The following CACNA1S variants were observed in gnomAD, a reference collection of about 807,000 sequenced individuals.
The protein encoded by CACNA1S is voltage-dependent L-type calcium channel subunit alpha-1S.
CACNA1S carries 126 observed loss-of-function variants against 207.4 expected under a neutral mutation model. That is an observed-to-expected ratio of 0.61 (90% CI 0.53 to 0.70). The LOEUF (loss-of-function observed/expected upper bound fraction) is 0.70, where lower values mean the gene tolerates loss of function less well. Ranked by LOEUF, CACNA1S falls within the 30% of genes least tolerant of loss-of-function variation. The probability of loss-of-function intolerance (pLI) is 0.00; values close to 1 mark genes in which losing one functional copy is unlikely to be tolerated. For missense variants in CACNA1S, 2,349 were observed against 2,422.8 expected (o/e 0.97, Z 0.64); for synonymous variants, 960 against 932.7 (o/e 1.03, Z -0.53).
chr1:201,040,659 G>A lies in CACNA1S; in HGVS notation c.5189C>T (p.Ala1730Val). ...AGGAGGTGCCTGGCCTCTGGGCATT[G>A]CCCTCTGGGTCAGCAGTCCCTTCAG... ...EMLKGLLTQR[A>V]MPRGQAPPAP... is the part of the protein sequence containing the mutation. The change falls in exon 42 of 44, where the codon GCA becomes GTA. Residue 1730 changes from alanine (A) to valine (V), a missense_variant. Physicochemically the swap from Ala to Val is moderately conservative, Grantham distance 64. Transcript: ENST00000362061. 6.2e-7 allele frequency: 1 copy of A among 1,614,118 alleles called. No homozygotes were observed. The highest frequency in any genetic ancestry group is 1.3e-5 in the African/African-American group (1 of 75,056).
At chr1:201,073,466 C>A (rs1026632616) in intron 15 of CACNA1S, 83 bp downstream of exon 15, 5 of 1,139,676 alleles carry the variant, frequency 4.4e-6, no homozygotes, top group East Asian at 4.7e-5. Flanking sequence ...CACCCTACCC[C>A]ACCTGTACCC....
chr1:201,095,270 A>G (rs1409025286), intron 2 of CACNA1S, among the ~76,000 whole-genome samples: 1 of 151,556 alleles, frequency 6.6e-6, no homozygotes, highest in Non-Finnish European at 1.5e-5. Flanking sequence ...TACCCCCACA[A>G]CCCAGCCCCC....
chr1:201,047,251 C>T lies in CACNA1S; in HGVS notation c.4544-12G>A. The T allele has an allele frequency of 6.2e-7, 1 of 1,614,184 alleles. No homozygotes were observed. The highest frequency in any genetic ancestry group is 2.2e-5 in the East Asian group (1 of 44,892). On this transcript the variant is annotated splice_polypyrimidine_tract_variant and intron_variant, in intron 37 of 43. Transcript: ENST00000362061. ...TGTCACCTCATCATCTGCAGAGGAGCCAACAAGAGATGCCCTGAAGGCTAG... is the reference window on the plus strand; with the variant it reads ...TGTCACCTCATCATCTGCAGAGGAGTCAACAAGAGATGCCCTGAAGGCTAG...
chr1:201,059,615 G>C (rs1430183914), intron 26 of CACNA1S, among the ~76,000 whole-genome samples: 1 of 152,224 alleles, frequency 6.6e-6, no homozygotes, highest in Non-Finnish European at 1.5e-5. Context: ...TTACATATCT[G>C]CTTTGGGAGG....
chr1:201,104,261 C>T, intron 2 of CACNA1S, among the ~76,000 whole-genome samples: 1 of 152,186 alleles, frequency 6.6e-6, no homozygotes, highest in Admixed American at 6.5e-5. Flanking sequence ...TGCCTCTACC[C>T]CACTAGATGC....
intron 12 of CACNA1S, 50 bp downstream of exon 12, chr1:201,076,870 C>G: frequency 6.6e-7 from 1 of 1,525,796 alleles, no homozygotes; most frequent in Middle Eastern, 1.7e-4. Flanking sequence ...GGACAAGAAG[C>G]AGGATTCAGC....
intron 14 of CACNA1S, 98 bp from the exon 15 acceptor site, chr1:201,073,740 C>A (rs890513975): frequency 1.0e-6 from 1 of 963,458 alleles, no homozygotes; most frequent in Non-Finnish European, 1.7e-6. Context: ...CCAAGGGCTC[C>A]AGGGGATCTG....
Position 201,059,255 on chromosome 1 carries a change from G to A in CACNA1S, c.3459C>T (p.Leu1153=). 1.2e-6 allele frequency: 2 copies of A among 1,614,002 alleles called. No homozygotes were observed. Among genetic ancestry groups the A allele is most frequent in the Non-Finnish European group, 8.5e-7 (1 of 1,179,860 alleles). The part of the protein sequence containing the change: ...SEQMNHISDI[L]NVAFTIIFTL... ...TGAAGATGATAGTGAAGGCCACATTGAGGATGTCTGAGATGTGGTTCATCT... is the reference window on the plus strand; with the variant it reads ...TGAAGATGATAGTGAAGGCCACATTAAGGATGTCTGAGATGTGGTTCATCT... The change falls in exon 27 of 44, where the codon CTC becomes CTT. Residue 1153 remains leucine, a synonymous_variant. Coordinates refer to ENST00000362061, the MANE Select transcript of CACNA1S (RefSeq NM_000069.3).
chr1:201,072,331 C>A (rs917992780), intron 16 of CACNA1S, among the ~76,000 whole-genome samples: 6 of 152,158 alleles, frequency 3.9e-5, no homozygotes, highest in African/African-American at 1.2e-4. Flanking sequence ...TCCCTGTATC[C>A]TTCCGGCCCC....
Position 201,083,181 on chromosome 1 carries a change from G to T in CACNA1S, c.1374C>A (p.Leu458=). 6.2e-7 allele frequency: 1 copy of T among 1,614,210 alleles called. No homozygotes were observed. Among genetic ancestry groups the T allele is most frequent in the Non-Finnish European group, 8.5e-7 (1 of 1,180,042 alleles). Residue 458 remains leucine (L), a synonymous_variant, in exon 10 of 44, where the codon CTC becomes CTA. Coordinates refer to ENST00000362061, the MANE Select transcript of CACNA1S (RefSeq NM_000069.3). ...SIASEHHNQP[L]WLTRLQDIAN... is the part of the protein sequence containing the mutation. ...CCTCACCTTGCAAACGGGTCAGCCA[G>T]AGAGGCTGGTTGTGGTGCTCTGAGG...
chr1:201,096,617 T>C lies in CACNA1S; in HGVS notation c.259-2596A>G, dbSNP rs542900601. On this transcript the variant is annotated intron_variant, in intron 2 of 43. Coordinates refer to ENST00000362061, the MANE Select transcript of CACNA1S (RefSeq NM_000069.3). ...GCAGAAGATGTATGGTGTGACGGTTTTCACCAGCTCTGCTGCTTTGGGCAA... is the reference window on the plus strand; with the variant it reads ...GCAGAAGATGTATGGTGTGACGGTTCTCACCAGCTCTGCTGCTTTGGGCAA... Among the ~76,000 whole-genome samples the C allele has an allele frequency of 2.3e-3, 345 of 152,332 alleles. 2 individuals are homozygous for C. The highest frequency in any genetic ancestry group is 8.0e-3 in the African/African-American group (331 of 41,558).
intron 2 of CACNA1S, among the ~76,000 whole-genome samples, chr1:201,097,894 C>A (rs1208159578): frequency 6.6e-6 from 1 of 152,196 alleles, no homozygotes; most frequent in East Asian, 1.9e-4. Context: ...CTCAGGGCTT[C>A]TGCCCTTGCT....
chr1:201,101,800 C>T (rs1384353817), intron 2 of CACNA1S, among the ~76,000 whole-genome samples: 1 of 152,154 alleles, frequency 6.6e-6, no homozygotes, highest in East Asian at 1.9e-4. Context: ...ATGGCCCTTG[C>T]CATGACAGCT....
At chr1:201,071,318 C>T (rs537596371) in intron 16 of CACNA1S, among the ~76,000 whole-genome samples, 4 of 152,228 alleles carry the variant, frequency 2.6e-5, no homozygotes, top group African/African-American at 4.8e-5. Context: ...TCTGTTCCCC[C>T]GAGAAGCTAG....
At position 201,053,493 on chromosome 1, in the gene CACNA1S, C is replaced by T. The variant is rs530655602; in HGVS notation, c.3761G>A (p.Arg1254Gln). 3.0e-4 allele frequency: 492 copies of T among 1,614,140 alleles called. 5 individuals are homozygous for T. In the South Asian group the frequency reaches 3.4e-3, roughly 11 times the overall value. ...CTTGATGAACGTCCACAGGAGGGTT[C>T]GCACTCCTTCTGCCCGGCTCAGCAG... Reference protein sequence around the residue: ...IKLLSRAEGVRTLLWTFIKSF... With the variant: ...IKLLSRAEGVQTLLWTFIKSF... Residue 1254 changes from arginine to glutamine, a missense_variant, in exon 30 of 44, where the codon CGA becomes CAA. Coordinates refer to ENST00000362061, the MANE Select transcript of CACNA1S (RefSeq NM_000069.3). The surrounding 1 kb of genome is among the most constrained non-coding windows in gnomAD (Gnocchi z 5.1).
intron 16 of CACNA1S, 40 bp downstream of exon 16, chr1:201,072,715 C>T (rs543629732): frequency 1.3e-6 from 2 of 1,538,524 alleles, no homozygotes; most frequent in Admixed American, 1.7e-5. Context: ...CCCTACTTCA[C>T]CCCAGCACCC....
intron 8 of CACNA1S, 34 bp from the exon 9 acceptor site, chr1:201,085,065 C>T (rs757429653): frequency 1.3e-5 from 20 of 1,530,266 alleles, no homozygotes; most frequent in Admixed American, 1.0e-4. Context: ...AGCCAGCCTT[C>T]GGGGCCCCTC....
intron 39 of CACNA1S, among the ~76,000 whole-genome samples, chr1:201,043,887 C>T (rs771593436): frequency 2.6e-5 from 4 of 152,084 alleles, no homozygotes; most frequent in Non-Finnish European, 5.9e-5. Context: ...CACATGATCT[C>T]TGTGGGCCAC....
chr1:201,112,143 C>A, intron 1 of CACNA1S, 45 bp downstream of exon 1: 2 of 1,584,104 alleles, frequency 1.3e-6, no homozygotes, highest in Middle Eastern at 1.7e-4. Flanking sequence ...GAATCCCTCC[C>A]TCATGACGCA....
Sources: allele counts gnomAD v4.1 joint callset (sites outside exome capture counted in the v4.1 genomes callset), GRCh38; gene constraint gnomAD v4.1.1; non-coding constraint Gnocchi (gnomAD v3.1); transcripts MANE v1.5; gene names NCBI Gene and HGNC (gene_info 2026-07-23, HGNC 2026-07-21).